LATS2: variants seen among roughly 807,000 people sequenced by gnomAD.
LATS2 encodes serine/threonine-protein kinase LATS2.
A neutral mutation model predicts 76.0 loss-of-function variants in LATS2; 24 were observed. That is an observed-to-expected ratio of 0.32 (90% CI 0.23 to 0.44). The LOEUF (loss-of-function observed/expected upper bound fraction) is 0.44, where lower values mean the gene tolerates loss of function less well. Among genes scored for constraint, LATS2 ranks in the 20% least tolerant of loss-of-function variants. The pLI, the probability that LATS2 is intolerant of heterozygous loss-of-function variation, is 1.00. For synonymous variants in LATS2, 692 were observed against 635.4 expected, an observed-to-expected ratio of 1.09 and a Z score of -1.34; for missense variants, 1,286 against 1,481.2, an observed-to-expected ratio of 0.87 and a Z score of 2.16.
At chr13:21,034,954 A>G (rs1342710953) in intron 2 of LATS2, among the ~76,000 whole-genome samples, 1 of 152,218 alleles carries the variant, frequency 6.6e-6, no homozygotes, top group Non-Finnish European at 1.5e-5. Context: ...GATGGGGCTG[A>G]GCACAGTGGT....
At chr13:20,978,744 T>TA (rs935543528) in intron 7 of LATS2, among the ~76,000 whole-genome samples, 3 of 152,112 alleles carry the variant, frequency 2.0e-5, no homozygotes, top group African/African-American at 7.2e-5. Context: ...ATTAAAATAG[T>TA]AAACCTATTT....
chr13:20,991,324 G>A lies in LATS2; in HGVS notation c.423C>T (p.Tyr141=). 6.2e-7 allele frequency: 1 copy of A among 1,614,164 alleles called. No individual in the cohort carries two copies. Among genetic ancestry groups the A allele is most frequent in the Non-Finnish European group, 8.5e-7 (1 of 1,180,028 alleles). The change falls in exon 3 of 8, where the codon TAC becomes TAT. Residue 141 remains tyrosine (Y), a synonymous_variant. Coordinates refer to ENST00000382592, the MANE Select transcript of LATS2 (RefSeq NM_014572.3). The surrounding 1 kb of genome is among the most constrained non-coding windows in gnomAD (Gnocchi z 4.9). ...AALEYISKMG[Y]LDPRNEQIVR... ...CAATCTGCTCATTCCTCGGGTCCAG[G>A]TAGCCCATCTTGCTGATGTACTCCA...
chr13:21,060,733 G>A (rs2138424793), intron 1 of LATS2, among the ~76,000 whole-genome samples: 1 of 151,504 alleles, frequency 6.6e-6, no homozygotes, highest in East Asian at 1.9e-4. Context: ...CCGTCGGCTC[G>A]CGGGACGACG....
At chr13:21,010,155 G>A (rs977069996) in intron 2 of LATS2, among the ~76,000 whole-genome samples, 13 of 151,936 alleles carry the variant, frequency 8.6e-5, no homozygotes, top group African/African-American at 2.7e-4. Flanking sequence ...AGCCAAGATC[G>A]CACCACTGCA....
chr13:21,019,825 T>C (rs1326006741), intron 2 of LATS2, among the ~76,000 whole-genome samples: 3 of 151,206 alleles, frequency 2.0e-5, no homozygotes, highest in Non-Finnish European at 4.4e-5. Flanking sequence ...AATACAAAAA[T>C]TAGCTGGGGG....
At chr13:21,053,078 T>C (rs909281127) in intron 1 of LATS2, among the ~76,000 whole-genome samples, 3 of 151,286 alleles carry the variant, frequency 2.0e-5, no homozygotes, top group Non-Finnish European at 4.4e-5. Context: ...CCACCAAATA[T>C]ACAAAAATTA....
chr13:21,036,642 G>A lies in LATS2; in HGVS notation c.342+9043C>T, dbSNP rs935247270. On this transcript the variant is annotated intron_variant, in intron 2 of 7. Transcript: ENST00000382592. Reference sequence around the variant, plus strand: ...ACAAAAATTAGCCCGGCATGGTGGCGCGTGCCTGTAATCCCAGCTACTCAA... The same window carrying A: ...ACAAAAATTAGCCCGGCATGGTGGCACGTGCCTGTAATCCCAGCTACTCAA... Among the ~76,000 whole-genome samples, 10 of 151,848 alleles carry A rather than the reference G, an allele frequency of 6.6e-5. No individual in the cohort carries two copies. The East Asian group carries it at 7.8e-4, about 12-fold the overall frequency.
intron 1 of LATS2, among the ~76,000 whole-genome samples, chr13:21,049,904 T>C (rs1276100095): frequency 6.6e-6 from 1 of 152,062 alleles, no homozygotes; most frequent in Non-Finnish European, 1.5e-5. Flanking sequence ...GCAGATCACT[T>C]GAGGCCAGGA....
At chr13:21,014,879 A>T (rs1871740463) in intron 2 of LATS2, among the ~76,000 whole-genome samples, 1 of 152,236 alleles carries the variant, frequency 6.6e-6, no homozygotes, top group Admixed American at 6.5e-5. Flanking sequence ...GATTTAAACT[A>T]TTCTAAGATC....
In LATS2 at chr13:20,988,269, A is replaced by C. The variant is rs1870271332; in HGVS notation, c.1511T>G (p.Val504Gly). The C allele has an allele frequency of 3.1e-6, 5 of 1,596,182 alleles. No individual in the cohort carries two copies. Among genetic ancestry groups the C allele is most frequent in the African/African-American group, 2.7e-5 (2 of 74,774 alleles). Residue 504 changes from valine (V) to glycine (G), a missense_variant, in exon 4 of 8, where the codon GTG becomes GGG. Val to Gly is a moderately radical substitution (Grantham distance 109). This residue lies in a region of LATS2 where 710 missense variants were observed against 660.9 expected (regional missense o/e 1.07). Coordinates refer to ENST00000382592, the MANE Select transcript of LATS2 (RefSeq NM_014572.3). ...LGGAGAFPLD[V>G]EYGGPDRRCP... ...CCTCCGGTCTGGGCCTCCGTACTCC[A>C]CGTCCAGCGGGAAGGCGCCTGCGCC...
At chr13:21,027,829 T>A (rs1595244565) in intron 2 of LATS2, among the ~76,000 whole-genome samples, 1 of 152,352 alleles carries the variant, frequency 6.6e-6, no homozygotes, top group Middle Eastern at 3.4e-3. Context: ...ATTTGGATTC[T>A]GCTGGATCCA....
intron 1 of LATS2, among the ~76,000 whole-genome samples, chr13:21,059,093 G>T (rs1873541169): frequency 6.6e-6 from 1 of 152,188 alleles, no homozygotes; most frequent in Non-Finnish European, 1.5e-5. Context: ...ACTTGTGCAA[G>T]ATCACACACA....
Position 20,989,098 on chromosome 13 carries a change from G to A in LATS2, c.682C>T (p.His228Tyr). The change falls in exon 4 of 8, where the codon CAC (histidine) becomes TAC (tyrosine). Residue 228 changes from histidine (H) to tyrosine (Y), a missense_variant. Physicochemically the swap from His to Tyr is moderately conservative, Grantham distance 83 (BLOSUM62 2). This residue lies in a region of LATS2 where 710 missense variants were observed against 660.9 expected (regional missense o/e 1.07). Transcript: ENST00000382592. ...GVGPHGPGHQ[H>Y]QHPPKGYGAS... ...CCGTAGCCCTTGGGTGGGTGCTGGT[G>A]CTGGTGGCCGGGCCCGTGGGGGCCG... The A allele has an allele frequency of 6.2e-7, 1 of 1,600,656 alleles. No homozygotes were observed. The highest frequency in any genetic ancestry group is 8.5e-7 in the Non-Finnish European group (1 of 1,175,308).
chr13:21,060,229 T>C (rs1873583047), intron 1 of LATS2, among the ~76,000 whole-genome samples: 1 of 152,052 alleles, frequency 6.6e-6, no homozygotes, highest in South Asian at 2.1e-4. Flanking sequence ...CCGCACTCCA[T>C]CCCCGAGGGA....
At chr13:21,054,588 C>T (rs73445526) in intron 1 of LATS2, among the ~76,000 whole-genome samples, 3,689 of 152,236 alleles carry the variant, frequency 0.024, 132 homozygotes, top group African/African-American at 0.084. Context: ...AGCAGAGCCA[C>T]GCTCCTAGAG....
chr13:21,002,206 C>T (rs1871080224), intron 2 of LATS2, among the ~76,000 whole-genome samples: 1 of 151,994 alleles, frequency 6.6e-6, no homozygotes, highest in South Asian at 2.1e-4. Flanking sequence ...AGCCACTGCG[C>T]CCGGCCAAAA....
rs547221704 is a variant in LATS2 at position 20,989,204 on chromosome 13, C to T, written c.576G>A (p.Glu192=). The T allele has an allele frequency of 7.3e-5, 118 of 1,613,756 alleles. 1 individual carries two copies. In the South Asian group the frequency reaches 1.1e-3, roughly 16 times the overall value. Residue 192 remains glutamate, a synonymous_variant, in exon 4 of 8, where the codon GAG becomes GAA. Transcript: ENST00000382592. ...GGCCGTCAGCGCCGAAGCTTGGGCC[C>T]TCGTAGGGGGTACCGCTCAGCTGGT... The part of the protein sequence containing the change: ...SYHQLSGTPY[E]GPSFGADGPT...
intron 2 of LATS2, among the ~76,000 whole-genome samples, chr13:21,024,697 A>G (rs955447787): frequency 1.3e-5 from 2 of 152,188 alleles, no homozygotes; most frequent in African/African-American, 4.8e-5. Context: ...ATTAAAAAAA[A>G]AAAAAAAAGT....
chr13:20,985,579 A>C (rs1284030948), intron 4 of LATS2, among the ~76,000 whole-genome samples: 1 of 151,908 alleles, frequency 6.6e-6, no homozygotes, highest in Non-Finnish European at 1.5e-5. Context: ...TCTCTACTAA[A>C]CATACAAAAA....
Sources: allele counts gnomAD v4.1 joint callset (sites outside exome capture counted in the v4.1 genomes callset), GRCh38; gene constraint gnomAD v4.1.1; regional missense constraint gnomAD v4.1.1; non-coding constraint Gnocchi (gnomAD v3.1); transcripts MANE v1.5; gene names NCBI Gene and HGNC (gene_info 2026-07-23, HGNC 2026-07-21).